Variants in KY observed in about 807,000 individuals in gnomAD.
KY encodes the protein kyphoscoliosis peptidase.
KY carries 43 observed loss-of-function variants against 76.1 expected under a neutral mutation model. That is an observed-to-expected ratio of 0.57 (90% CI 0.44 to 0.73). KY has a LOEUF of 0.73. KY is among the 30% of genes least tolerant of loss of function. The pLI, the probability that KY is intolerant of heterozygous loss-of-function variation, is 0.00. For missense variants in KY, 722 were observed against 828.9 expected, an observed-to-expected ratio of 0.87 and a Z score of 1.58; for synonymous variants, 277 against 326.2, an observed-to-expected ratio of 0.85 and a Z score of 1.63.
chr3:134,646,083 T>A (rs555950488), intron 2 of KY, among the ~76,000 whole-genome samples: 1 of 152,336 alleles, frequency 6.6e-6, no homozygotes, highest in Admixed American at 6.5e-5. Flanking sequence ...ACTCACCAGC[T>A]CACACATGGG....
At chr3:134,647,368 A>T (rs1966561471) in intron 2 of KY, 67 bp downstream of exon 2, 1 of 1,273,750 alleles carries the variant, frequency 7.9e-7, no homozygotes, top group African/African-American at 1.5e-5. Context: ...AATGAGTGAA[A>T]CCCAATTCTT....
chr3:134,613,976 C>G (rs1961025561), intron 8 of KY, among the ~76,000 whole-genome samples: 1 of 152,138 alleles, frequency 6.6e-6, no homozygotes, highest in African/African-American at 2.4e-5. Flanking sequence ...TGACATGGCA[C>G]CATACAACGC....
At chr3:134,610,488 C>T (rs2107772963) in intron 8 of KY, 105 bp from the exon 9 acceptor site, 6 of 936,232 alleles carry the variant, frequency 6.4e-6, no homozygotes, top group Non-Finnish European at 6.5e-6. Flanking sequence ...ATCAGTCCTC[C>T]CTGTCTATCC....
chr3:134,633,797 A>T (rs1471632315), intron 3 of KY, among the ~76,000 whole-genome samples: 1 of 152,158 alleles, frequency 6.6e-6, no homozygotes, highest in Non-Finnish European at 1.5e-5. Flanking sequence ...ACAGATTGGC[A>T]AGGAAGAAAT....
intron 8 of KY, among the ~76,000 whole-genome samples, chr3:134,613,897 T>C (rs1252031497): frequency 6.6e-6 from 1 of 152,218 alleles, no homozygotes; most frequent in Non-Finnish European, 1.5e-5. Context: ...CACAACTCTT[T>C]CATGTCATCA....
rs1439700817 is a variant in KY at position 134,615,337 on chromosome 3, T to C, written c.710+3811A>G. On this transcript the variant is annotated intron_variant, in intron 8 of 10. Transcript: ENST00000423778. ...CAGTGGATGCAGTTGTCCTGATGCA[T>C]AGTTCAAGAAGCTTTTTTTTTTTTT... 5 of 136,578 alleles carry C rather than the reference T, an allele frequency of 3.7e-5. No homozygotes were observed. In the South Asian group the frequency reaches 1.2e-3, roughly 32 times the overall value. The allele number at this position is 136,578 out of a possible 1,614,324, so 8.5% of individuals were successfully genotyped here.
At chr3:134,613,701 CTGATATGAGGATA>C (rs1227718076) in intron 8 of KY, among the ~76,000 whole-genome samples, 1 of 152,214 alleles carries the variant, frequency 6.6e-6, no homozygotes. Context: ...ATGCTTGACT[CTGATATGAGGATA>C]TTTTATTACC....
chr3:134,630,233 C>G (rs1964034196), intron 3 of KY, among the ~76,000 whole-genome samples: 1 of 152,072 alleles, frequency 6.6e-6, no homozygotes, highest in South Asian at 2.1e-4. Context: ...GTTGTTTTTC[C>G]CCCACTTTAT....
intron 6 of KY, among the ~76,000 whole-genome samples, chr3:134,622,687 A>C (rs1162100908): frequency 1.3e-5 from 2 of 152,188 alleles, no homozygotes; most frequent in Non-Finnish European, 2.9e-5. Flanking sequence ...ATTTTATGTT[A>C]TTTTATGATA....
chr3:134,614,693 G>A (rs894489284), intron 8 of KY, among the ~76,000 whole-genome samples: 3 of 152,154 alleles, frequency 2.0e-5, no homozygotes. Flanking sequence ...GTGTGTTCCA[G>A]TTTGGTGCAC....
chr3:134,634,153 G>T (rs997359527), intron 3 of KY, among the ~76,000 whole-genome samples: 3 of 152,198 alleles, frequency 2.0e-5, no homozygotes, highest in Admixed American at 2.0e-4. Context: ...TTATGGATTG[G>T]AAGACTTAAA....
At chr3:134,644,406 C>G (rs1966178352) in intron 2 of KY, among the ~76,000 whole-genome samples, 1 of 152,326 alleles carries the variant, frequency 6.6e-6, no homozygotes, top group Admixed American at 6.5e-5. Context: ...GAAGCATGAC[C>G]TTTCCTCCCT....
chr3:134,605,835 G>A (rs143029093), intron 10 of KY, among the ~76,000 whole-genome samples: 1 of 151,978 alleles, frequency 6.6e-6, no homozygotes, highest in African/African-American at 2.4e-5. Context: ...CCCTCTTTGC[G>A]ACCCCCACTC....
chr3:134,624,785 T>C (rs1342973262), intron 6 of KY, among the ~76,000 whole-genome samples: 1 of 152,152 alleles, frequency 6.6e-6, no homozygotes, highest in Non-Finnish European at 1.5e-5. Flanking sequence ...CCAGAGGGGC[T>C]TGCCAATGAA....
chr3:134,623,733 C>T (rs1015952890), intron 6 of KY, among the ~76,000 whole-genome samples: 21 of 152,166 alleles, frequency 1.4e-4, no homozygotes, highest in African/African-American at 4.3e-4. Context: ...GTAAGGTGCA[C>T]TTTGATGCTG....
rs1407703770 is a variant in KY at position 134,601,234 on chromosome 3, C to T, written c.*2345G>A. 6 of 140,930 alleles carry T rather than the reference C, an allele frequency of 4.3e-5. No individual in the cohort carries two copies. The highest frequency in any genetic ancestry group is 1.6e-4 in the African/African-American group (6 of 38,580). The allele number at this position is 140,930 out of a possible 1,614,324, so 8.7% of individuals were successfully genotyped here. ...CTGACTGCGCCTACAGCTGTCTTTA[C>T]AAAGGGGGTGCCTAGTTAAACGAGA... is the stretch of plus-strand genomic sequence containing the variant. On this transcript the variant is annotated 3_prime_UTR_variant, in exon 11 of 11. Transcript: ENST00000423778.
intron 10 of KY, 90 bp from the exon 11 acceptor site, chr3:134,604,564 A>C: frequency 8.7e-7 from 1 of 1,154,468 alleles, no homozygotes; most frequent in African/African-American, 1.5e-5. Context: ...CTGGGAGAAA[A>C]ACGTCCTGAC....
At chr3:134,644,712 G>A (rs1328828097) in intron 2 of KY, among the ~76,000 whole-genome samples, 1 of 152,242 alleles carries the variant, frequency 6.6e-6, no homozygotes, top group Non-Finnish European at 1.5e-5. Flanking sequence ...CCGCTCAGTG[G>A]TTCCCGTGCC....
intron 4 of KY, among the ~76,000 whole-genome samples, chr3:134,629,145 G>C (rs1963888570): frequency 1.3e-5 from 2 of 152,232 alleles, no homozygotes; most frequent in African/African-American, 4.8e-5. Context: ...AAGACCACAG[G>C]CTTCAGAGTC....
Sources: gnomAD v4.1 joint callset for allele counts (sites outside exome capture counted in the v4.1 genomes callset) on GRCh38, gnomAD v4.1.1 for gene constraint, MANE v1.5 for transcripts, NCBI Gene and HGNC (gene_info 2026-07-23, HGNC 2026-07-21) for gene names.